UBE2D3: variants seen among roughly 807,000 people sequenced by gnomAD.
The protein encoded by UBE2D3 is ubiquitin conjugating enzyme E2 D3.
In UBE2D3, 2 loss-of-function variants were observed where a neutral mutation model predicts 22.8. That is an observed-to-expected ratio of 0.09 (90% confidence interval 0.04 to 0.28). UBE2D3 has a LOEUF of 0.28. Among genes scored for constraint, UBE2D3 ranks in the 10% least tolerant of loss-of-function variants. The pLI, the probability that UBE2D3 is intolerant of heterozygous loss-of-function variation, is 1.00. For missense variants in UBE2D3, 27 were observed against 182.5 expected (o/e 0.15, Z 4.91); for synonymous variants, 56 against 60.4 (o/e 0.93, Z 0.34).
At chr4:102,836,819 T>G (rs940273203) in intron 1 of UBE2D3, among the ~76,000 whole-genome samples, 1 of 152,274 alleles carries the variant, frequency 6.6e-6, no homozygotes, top group South Asian at 2.1e-4. Flanking sequence ...TCTTCTTTGC[T>G]GAAATGCCTG....
At chr4:102,799,551 T>C (rs1343324711) in intron 6 of UBE2D3, 51 bp from the exon 7 acceptor site, 6 of 1,444,424 alleles carry the variant, frequency 4.2e-6, no homozygotes, top group South Asian at 1.2e-5. Flanking sequence ...TTTGGATAAA[T>C]AAATTTTTCT....
Position 102,814,248 on chromosome 4 carries a change from A to C in UBE2D3, c.25-4393T>G, listed in dbSNP as rs570907264. Among the ~76,000 whole-genome samples, 17 of 151,676 alleles carry C rather than the reference A, an allele frequency of 1.1e-4. No homozygotes were observed. The South Asian group carries it at 1.7e-3, about 15-fold the overall frequency. On this transcript the variant is annotated intron_variant, in intron 2 of 7. Transcript: ENST00000453744. Reference sequence around the variant, plus strand: ...TAACTGAACCAAATCAGTATTTCAGAAGCTTTTTTTTTTTTGCAACTTAAA... The same window carrying C: ...TAACTGAACCAAATCAGTATTTCAGCAGCTTTTTTTTTTTTGCAACTTAAA...
chr4:102,815,678 T>G (rs1728687754), intron 2 of UBE2D3, among the ~76,000 whole-genome samples: 1 of 152,210 alleles, frequency 6.6e-6, no homozygotes, highest in African/African-American at 2.4e-5. Context: ...TCTTCACTCC[T>G]GTAATTTCAG....
intron 1 of UBE2D3, among the ~76,000 whole-genome samples, chr4:102,854,221 T>C (rs1384610686): frequency 1.3e-5 from 2 of 152,180 alleles, no homozygotes; most frequent in East Asian, 1.9e-4. Flanking sequence ...TAATTTCGTT[T>C]AGATTTTTTT....
intron 1 of UBE2D3, among the ~76,000 whole-genome samples, chr4:102,833,069 T>C (rs1359807038): frequency 2.0e-5 from 3 of 150,494 alleles, no homozygotes; most frequent in Non-Finnish European, 4.4e-5. Context: ...AACAATAGTA[T>C]GAACTTCCTA....
At position 102,797,479 on chromosome 4, in the gene UBE2D3, T is replaced by C; in HGVS notation, c.399-19A>G. On this transcript the variant is annotated intron_variant, in intron 7 of 7. Transcript: ENST00000453744. ...GTTGTACCTGTAAATAAAGATGTTATTTTTAAAAGTTAAAATAAAGAATTC... is the reference window on the plus strand; with the variant it reads ...GTTGTACCTGTAAATAAAGATGTTACTTTTAAAAGTTAAAATAAAGAATTC... 1 of 1,583,894 alleles carries C rather than the reference T, an allele frequency of 6.3e-7. No individual in the cohort carries two copies.
At chr4:102,846,811 A>ATT (rs765588517) in intron 1 of UBE2D3, among the ~76,000 whole-genome samples, 5 of 141,906 alleles carry the variant, frequency 3.5e-5, no homozygotes, top group African/African-American at 5.1e-5. Context: ...GGCTAATTAA[A>ATT]TTTTTTTTTT....
chr4:102,804,551 AAT>A (rs1427144736), intron 4 of UBE2D3, among the ~76,000 whole-genome samples: 1 of 152,142 alleles, frequency 6.6e-6, no homozygotes, highest in Non-Finnish European at 1.5e-5. Flanking sequence ...GTCTTTATTA[AAT>A]AGTTATATTA....
At chr4:102,803,710 A>G (rs990170912) in intron 4 of UBE2D3, among the ~76,000 whole-genome samples, 2 of 152,220 alleles carry the variant, frequency 1.3e-5, no homozygotes, top group Non-Finnish European at 2.9e-5. Flanking sequence ...AGTTCAAAGA[A>G]GAAAGGTCAA....
At chr4:102,856,104 G>T (rs115033334) in intron 1 of UBE2D3, among the ~76,000 whole-genome samples, 2,350 of 152,272 alleles carry the variant, frequency 0.015, 59 homozygotes, top group African/African-American at 0.051. Context: ...GGTGGCTCAT[G>T]CCTGTACTCC....
At chr4:102,824,300 A>G (rs223393) in intron 2 of UBE2D3, among the ~76,000 whole-genome samples, 149,625 of 152,360 alleles carry the variant, frequency 0.98, 73,487 homozygotes, top group East Asian at 1. Context: ...AACAAAAACG[A>G]TTTTTAAAAA....
chr4:102,841,327 A>G (rs2110356683), intron 1 of UBE2D3, among the ~76,000 whole-genome samples: 1 of 152,284 alleles, frequency 6.6e-6, no homozygotes, highest in Non-Finnish European at 1.5e-5. Flanking sequence ...ATTAATGGTA[A>G]CTTAGTTGTT....
At chr4:102,813,759 T>C (rs1728398952) in intron 2 of UBE2D3, among the ~76,000 whole-genome samples, 2 of 152,060 alleles carry the variant, frequency 1.3e-5, no homozygotes, top group South Asian at 2.1e-4. Flanking sequence ...TAAAAAGAAA[T>C]AAAGAATGTG....
intron 1 of UBE2D3, chr4:102,868,698 G>A: frequency 2.5e-6 from 4 of 1,613,990 alleles, no homozygotes; most frequent in Non-Finnish European, 3.4e-6. Context: ...ACGAAGTAGA[G>A]ACAGCAAGAG....
At chr4:102,850,372 G>A (rs1331295551) in intron 1 of UBE2D3, among the ~76,000 whole-genome samples, 1 of 152,044 alleles carries the variant, frequency 6.6e-6, no homozygotes, top group Non-Finnish European at 1.5e-5. Context: ...TTAAAAGGGT[G>A]GTCCTTAAAA....
chr4:102,830,681 T>C (rs932182958), upstream of UBE2D3, among the ~76,000 whole-genome samples: 1 of 152,142 alleles, frequency 6.6e-6, no homozygotes, highest in African/African-American at 2.4e-5. Context: ...CTGGATAACA[T>C]AGGGTGACCC....
At chr4:102,828,290 C>G, upstream of UBE2D3, 7 of 984,600 alleles carry the variant, frequency 7.1e-6, no homozygotes, top group Non-Finnish European at 8.4e-6. Flanking sequence ...TAGCTCGGGC[C>G]GGGATTTTGA....
Position 102,795,924 on chromosome 4 carries a change from A to T in UBE2D3, c.*1491T>A, listed in dbSNP as rs936262510. 16 of 152,550 alleles carry T rather than the reference A, an allele frequency of 1.0e-4. No individual in the cohort carries two copies. The highest frequency in any genetic ancestry group is 2.2e-4 in the Non-Finnish European group (15 of 67,948). The allele number at this position is 152,550 out of a possible 1,614,324, so 9.4% of individuals were successfully genotyped here. ...GGTGAAGAATGGTAATGCCCTTGTT[A>T]CTACAGAAGTTAAATCAGTGGCACA... On this transcript the variant is annotated 3_prime_UTR_variant, in exon 8 of 8. Coordinates refer to ENST00000453744, the MANE Select transcript of UBE2D3 (RefSeq NM_181891.3).
At chr4:102,808,210 T>G (rs905736945) in intron 4 of UBE2D3, among the ~76,000 whole-genome samples, 8 of 152,290 alleles carry the variant, frequency 5.3e-5, no homozygotes, top group African/African-American at 1.9e-4. Context: ...GCAGCTGTCA[T>G]TCCATCCCAA....
Sources: gnomAD v4.1 joint callset for allele counts (sites outside exome capture counted in the v4.1 genomes callset) on GRCh38, gnomAD v4.1.1 for gene constraint, MANE v1.5 for transcripts, NCBI Gene and HGNC (gene_info 2026-07-23, HGNC 2026-07-21) for gene names.